The following DPP6 variants were observed in gnomAD, a reference collection of about 807,000 sequenced individuals.
The protein encoded by DPP6 is dipeptidyl peptidase like 6, also known as A-type potassium channel modulatory protein DPP6.
DPP6 carries 69 observed loss-of-function variants against 122.6 expected under a neutral mutation model. That is an observed-to-expected ratio of 0.56 (90% confidence interval 0.46 to 0.69). DPP6 has a LOEUF of 0.69. DPP6 is among the 30% of genes least tolerant of loss of function. The probability of loss-of-function intolerance (pLI) is 0.00; values close to 1 mark genes in which losing one functional copy is unlikely to be tolerated. For missense variants in DPP6, 928 were observed against 1,116.9 expected (o/e 0.83, Z 2.41); for synonymous variants, 418 against 433.1 (o/e 0.97, Z 0.43).
chr7:154,295,848 C>A (rs768239680), intron 1 of DPP6, among the ~76,000 whole-genome samples: 2 of 151,806 alleles, frequency 1.3e-5, no homozygotes, highest in Non-Finnish European at 2.9e-5. Context: ...TTAGATTCCT[C>A]TTTTTTCTTA....
chr7:154,671,654 C>T (rs577218077), intron 7 of DPP6, among the ~76,000 whole-genome samples: 89 of 146,986 alleles, frequency 6.1e-4, no homozygotes, highest in South Asian at 5.7e-3. Flanking sequence ...TGTGTGTGTG[C>T]GTGTGCATGC....
chr7:154,594,892 A>G (rs371987073), intron 5 of DPP6, among the ~76,000 whole-genome samples: 9 of 152,248 alleles, frequency 5.9e-5, no homozygotes, highest in African/African-American at 2.2e-4. Context: ...ACAGAGACAC[A>G]ATGCCGGGCG....
intron 1 of DPP6, among the ~76,000 whole-genome samples, chr7:153,910,778 C>T (rs376769547): frequency 2.0e-5 from 3 of 152,274 alleles, no homozygotes; most frequent in Admixed American, 1.3e-4. Flanking sequence ...AAGCTTGCAG[C>T]GACCTTTGGT....
intron 1 of DPP6, among the ~76,000 whole-genome samples, chr7:154,053,531 C>T (rs1468545580): frequency 6.6e-6 from 1 of 151,194 alleles, no homozygotes; most frequent in African/African-American, 2.4e-5. Context: ...CCCTCCTCTC[C>T]TACTCACTCT....
At chr7:154,677,343 C>CT (rs1257334551) in intron 7 of DPP6, among the ~76,000 whole-genome samples, 1 of 152,114 alleles carries the variant, frequency 6.6e-6, no homozygotes, top group Non-Finnish European at 1.5e-5. Context: ...TGTCTTGACA[C>CT]TTTTTTCTAT....
intron 1 of DPP6, among the ~76,000 whole-genome samples, chr7:154,326,474 A>G (rs1808455677): frequency 6.6e-6 from 1 of 152,208 alleles, no homozygotes; most frequent in Non-Finnish European, 1.5e-5. Context: ...ATGATTTAAG[A>G]AATGCGATAT....
At chr7:153,941,777 G>A (rs1801708129) in intron 1 of DPP6, among the ~76,000 whole-genome samples, 1 of 152,090 alleles carries the variant, frequency 6.6e-6, no homozygotes, top group Non-Finnish European at 1.5e-5. Flanking sequence ...TCTTTTCACT[G>A]GAGTTTCTGC....
At chr7:154,364,646 GT>G (rs1812005995) in intron 1 of DPP6, among the ~76,000 whole-genome samples, 1 of 152,156 alleles carries the variant, frequency 6.6e-6, no homozygotes, top group African/African-American at 2.4e-5. Context: ...GGTAGCTGCC[GT>G]TCTCCCATTC....
At chr7:154,230,618 A>T (rs1267987151) in intron 1 of DPP6, among the ~76,000 whole-genome samples, 1 of 152,164 alleles carries the variant, frequency 6.6e-6, no homozygotes, top group Non-Finnish European at 1.5e-5. Flanking sequence ...TGTCCCCCTG[A>T]GTTAGATGTA....
intron 10 of DPP6, among the ~76,000 whole-genome samples, chr7:154,792,250 T>G (rs1402973958): frequency 6.6e-6 from 1 of 152,258 alleles, no homozygotes; most frequent in African/African-American, 2.4e-5. Context: ...ACAGGCCCCA[T>G]GTGGCTCTCA....
chr7:154,803,528 A>G (rs2150454929), intron 13 of DPP6, among the ~76,000 whole-genome samples: 1 of 152,238 alleles, frequency 6.6e-6, no homozygotes, highest in South Asian at 2.1e-4. Context: ...AGATTTACAA[A>G]TGAAAAAGGC....
intron 15 of DPP6, among the ~76,000 whole-genome samples, chr7:154,806,084 T>A (rs1216623905): frequency 6.6e-6 from 1 of 152,210 alleles, no homozygotes; most frequent in Non-Finnish European, 1.5e-5. Context: ...AGCCAGTCCG[T>A]GTAGATGTTC....
intron 2 of DPP6, among the ~76,000 whole-genome samples, chr7:154,450,353 C>T (rs1820253524): frequency 6.6e-6 from 1 of 152,086 alleles, no homozygotes; most frequent in Admixed American, 6.5e-5. Flanking sequence ...ACATGTATGA[C>T]TCTGTTAATA....
intron 8 of DPP6, among the ~76,000 whole-genome samples, chr7:154,739,382 T>C (rs1335333575): frequency 6.6e-6 from 1 of 151,948 alleles, no homozygotes; most frequent in Non-Finnish European, 1.5e-5. Flanking sequence ...CAGAGTTGGG[T>C]TGAGAAAGCA....
intron 8 of DPP6, among the ~76,000 whole-genome samples, chr7:154,743,179 T>A (rs990264644): frequency 4.6e-5 from 7 of 152,334 alleles, no homozygotes; most frequent in South Asian, 2.1e-4. Flanking sequence ...CCAGCGCATT[T>A]TGGATGTGGC....
At chr7:153,999,537 C>A (rs939552809) in intron 1 of DPP6, among the ~76,000 whole-genome samples, 3 of 152,120 alleles carry the variant, frequency 2.0e-5, no homozygotes, top group Non-Finnish European at 2.9e-5. Context: ...TGAGTACTTG[C>A]CGAGTGCTCA....
rs114411445 is a variant in DPP6, at chr7:154,595,449, T to C, written c.627+28533T>C. 4.3e-3 allele frequency among the ~76,000 whole-genome samples: 649 copies of C among 152,248 alleles called. 9 individuals carry two copies. Among genetic ancestry groups the C allele is most frequent in the African/African-American group, 0.014 (596 of 41,548 alleles). On this transcript the variant is annotated intron_variant, in intron 5 of 25. Coordinates refer to ENST00000377770, the MANE Select transcript of DPP6 (RefSeq NM_130797.4). The stretch of plus-strand genomic sequence containing the variant: ...TCTCTCAAGCCAGTGAGTTAGACCA[T>C]GGATGAAAGACCGCCCATCCTAGGA...
At chr7:154,224,298 G>A (rs1800472427) in intron 1 of DPP6, among the ~76,000 whole-genome samples, 1 of 148,696 alleles carries the variant, frequency 6.7e-6, no homozygotes, top group South Asian at 2.1e-4. Flanking sequence ...CTCCAGCCTG[G>A]GTGACAGAGT....
At chr7:153,766,896 T>C in the DPP6 span, among the ~76,000 whole-genome samples, 2 of 152,176 alleles carry the variant, frequency 1.3e-5, no homozygotes, top group Non-Finnish European at 2.9e-5. Flanking sequence ...CTTTAAGGTA[T>C]ACCATCCATG....
Sources: gnomAD v4.1 joint callset for allele counts (sites outside exome capture counted in the v4.1 genomes callset) on GRCh38, gnomAD v4.1.1 for gene constraint, MANE v1.5 for transcripts, NCBI Gene and HGNC (gene_info 2026-07-23, HGNC 2026-07-21) for gene names.